Variants in LAMB1 observed in about 807,000 individuals in gnomAD.
LAMB1 encodes the protein laminin subunit beta-1.
Under a neutral mutation model 222.3 loss-of-function variants are expected in LAMB1, and 121 were observed. The observed-to-expected ratio is 0.54, with a 90% confidence interval of 0.47 to 0.63. The LOEUF is 0.63. LAMB1 is among the 30% of genes least tolerant of loss of function. LAMB1 has a pLI of 0.00. For missense variants in LAMB1, 2,172 were observed against 2,240.8 expected (o/e 0.97, Z 0.62); for synonymous variants, 794 against 807.2 (o/e 0.98, Z 0.28).
chr7:107,935,184 A>G (rs1019934786), intron 27 of LAMB1, among the ~76,000 whole-genome samples: 3 of 151,880 alleles, frequency 2.0e-5, no homozygotes, highest in African/African-American at 7.3e-5. Context: ...CCACAGAGAA[A>G]CAGAAGAGGG....
chr7:107,943,895 G>C (rs149481637), intron 24 of LAMB1, among the ~76,000 whole-genome samples: 1 of 152,154 alleles, frequency 6.6e-6, no homozygotes, highest in Non-Finnish European at 1.5e-5. Flanking sequence ...GCAGAATCAC[G>C]ACTTCGGAAG....
chr7:108,000,106 A>C (rs2034354863), intron 3 of LAMB1: 2 of 152,156 alleles, frequency 1.3e-5, no homozygotes, highest in African/African-American at 2.4e-5. Context: ...ATTGTAGGTA[A>C]AATTTAAATG....
rs35802141 is a variant in LAMB1, at chr7:107,978,161, C to A, written c.886G>T (p.Gly296Ter). Residue 296 changes from glycine to a stop codon, truncating the protein, a stop_gained, in exon 9 of 34, where the codon GGA (glycine) becomes TGA (stop). Transcript: ENST00000222399. LOFTEE classifies it high-confidence loss of function. ...FNEEVEGMVH[G>*]HCMCRHNTKG... is the part of the protein sequence containing the mutation. ...GTGTTATGCCTGCACATGCAGTGTC[C>A]GTGAACCTTGAAAGTTATAAAAACA... is the stretch of plus-strand genomic sequence containing the variant. The A allele has an allele frequency of 1.2e-6, 2 of 1,613,760 alleles. No homozygotes were observed. Among genetic ancestry groups the A allele is most frequent in the Admixed American group, 1.7e-5 (1 of 59,998 alleles).
At chr7:107,985,948 A>G (rs1349622112) in intron 7 of LAMB1, 74 bp downstream of exon 7, 11 of 1,183,114 alleles carry the variant, frequency 9.3e-6, no homozygotes, top group Non-Finnish European at 1.4e-5. Flanking sequence ...CAAGAGCGGA[A>G]CTCTGTCTCA....
intron 5 of LAMB1, among the ~76,000 whole-genome samples, chr7:107,988,765 C>T (rs892256893): frequency 6.6e-6 from 1 of 152,112 alleles, no homozygotes. Context: ...CACACATGCA[C>T]AGAGGGAAGA....
At chr7:107,955,092 T>C (rs1404303239) in intron 21 of LAMB1, among the ~76,000 whole-genome samples, 3 of 152,234 alleles carry the variant, frequency 2.0e-5, no homozygotes, top group Non-Finnish European at 2.9e-5. Context: ...ATGATATTAT[T>C]TCTTTCTTCT....
intron 13 of LAMB1, among the ~76,000 whole-genome samples, chr7:107,968,044 T>G (rs1239798646): frequency 6.6e-6 from 1 of 151,840 alleles, no homozygotes. Context: ...GCAGAGATGG[T>G]CAAGATCAGA....
chr7:107,936,978 A>G, intron 26 of LAMB1, 115 bp downstream of exon 26: 1 of 871,974 alleles, frequency 1.1e-6, no homozygotes, highest in East Asian at 2.6e-5. Context: ...CTGGATGAGC[A>G]AAAGTTTTAA....
intron 20 of LAMB1, among the ~76,000 whole-genome samples, chr7:107,957,099 G>T (rs2033393093): frequency 6.6e-6 from 1 of 152,074 alleles, no homozygotes; most frequent in African/African-American, 2.4e-5. Context: ...ATGAAAAGCT[G>T]GATATTCCGG....
At chr7:107,962,874 C>T (rs980331348) in intron 15 of LAMB1, 31 bp downstream of exon 15, 1 of 1,593,072 alleles carries the variant, frequency 6.3e-7, no homozygotes, top group African/African-American at 1.3e-5. Flanking sequence ...TCCCCTCCCT[C>T]CTCCACCAGT....
chr7:107,980,568 C>T (rs2033951983), intron 8 of LAMB1, 41 bp downstream of exon 8: 22 of 1,503,256 alleles, frequency 1.5e-5, no homozygotes, highest in Non-Finnish European at 1.8e-5. Context: ...ATTTTATTAC[C>T]AGCCACATAA....
rs1216217707 is a variant in LAMB1 at position 107,986,102 on chromosome 7, G to C, written c.613-17C>G. On this transcript the variant is annotated splice_polypyrimidine_tract_variant and intron_variant, in intron 6 of 33. Transcript: ENST00000222399. ...AAATATCACCTAAAAATGGAAACAA[G>C]AGTAATTGGTACTTCTGCAATAATC... is the stretch of plus-strand genomic sequence containing the variant. 1 of 1,611,666 alleles carries C rather than the reference G, an allele frequency of 6.2e-7. No homozygotes were observed. The highest frequency in any genetic ancestry group is 2.2e-5 in the East Asian group (1 of 44,858).
intron 23 of LAMB1, 75 bp from the exon 24 acceptor site, chr7:107,951,397 C>T (rs2033247310): frequency 7.5e-7 from 1 of 1,337,226 alleles, no homozygotes; most frequent in African/African-American, 1.4e-5. Context: ...TTTCTAGCTG[C>T]CACTTAGAAG....
At chr7:107,958,150 T>C (rs1478534425) in intron 20 of LAMB1, among the ~76,000 whole-genome samples, 1 of 152,100 alleles carries the variant, frequency 6.6e-6, no homozygotes, top group Non-Finnish European at 1.5e-5. Context: ...TTATTCTCCA[T>C]CTCTCTTTGA....
At chr7:107,986,153 T>C (rs2034072821) in intron 6 of LAMB1, 22 bp downstream of exon 6, 1 of 1,612,444 alleles carries the variant, frequency 6.2e-7, no homozygotes, top group Non-Finnish European at 8.5e-7. Flanking sequence ...AAGTAGAATG[T>C]AAAACACAGA....
intron 5 of LAMB1, among the ~76,000 whole-genome samples, chr7:107,990,225 G>A (rs1232956090): frequency 6.6e-6 from 1 of 152,008 alleles, no homozygotes; most frequent in Non-Finnish European, 1.5e-5. Flanking sequence ...TTTTTGTAGA[G>A]ACAGGGTCTT....
At chr7:107,989,903 C>T (rs1039484264) in intron 5 of LAMB1, among the ~76,000 whole-genome samples, 1 of 152,210 alleles carries the variant, frequency 6.6e-6, no homozygotes, top group African/African-American at 2.4e-5. Flanking sequence ...CAGAACAACA[C>T]ATTTTACCTA....
At position 107,953,581 on chromosome 7, in the gene LAMB1, G is replaced by A. The variant is rs2033307123; in HGVS notation, c.3028C>T (p.Gln1010Ter). ...CLYHTEGEHC[Q>*]FCRFGYYGDA... ...CCATAGTATCCAAACCGGCAGAACT[G>A]ACAGTGTTCCCCTTCCGTGTGGTAC... Residue 1010 changes from glutamine to a stop codon, truncating the protein, a stop_gained, in exon 22 of 34, where the codon CAG becomes TAG. Transcript: ENST00000222399. LOFTEE classifies it high-confidence loss of function. 6.2e-7 allele frequency: 1 copy of A among 1,614,210 alleles called. No individual in the cohort carries two copies. Among genetic ancestry groups the A allele is most frequent in the Non-Finnish European group, 8.5e-7 (1 of 1,180,028 alleles).
In LAMB1 at chr7:107,924,023, T is replaced by A; in HGVS notation, c.5289A>T (p.Arg1763Ser). ...GGAGTGAACGGACTTCTCCTTCCAGTCTTGCTAATTCTTGAGCTTTATCTT... is the reference window on the plus strand; with the variant it reads ...GGAGTGAACGGACTTCTCCTTCCAGACTTGCTAATTCTTGAGCTTTATCTT... ...YLEDKAQELA[R>S]LEGEVRSLLK... is the part of the protein sequence containing the mutation. Residue 1763 changes from arginine (R) to serine (S), a missense_variant, in exon 34 of 34, where the codon AGA becomes AGT. Arg to Ser is a moderately radical substitution (Grantham distance 110). Transcript: ENST00000222399. 6 of 1,591,368 alleles carry A rather than the reference T, an allele frequency of 3.8e-6. No individual in the cohort carries two copies. The highest frequency in any genetic ancestry group is 5.1e-6 in the Non-Finnish European group (6 of 1,174,534).
Sources: allele counts gnomAD v4.1 joint callset (sites outside exome capture counted in the v4.1 genomes callset), GRCh38; gene constraint gnomAD v4.1.1; transcripts MANE v1.5; gene names NCBI Gene and HGNC (gene_info 2026-07-23, HGNC 2026-07-21).